Variants in MGAT4C observed in about 807,000 individuals in gnomAD.
MGAT4C encodes MGAT4 family member C.
In MGAT4C, 19 loss-of-function variants were observed where a neutral mutation model predicts 40.1. That is an observed-to-expected ratio of 0.47 (90% confidence interval 0.33 to 0.70). The LOEUF (loss-of-function observed/expected upper bound fraction) is 0.70, where lower values mean the gene tolerates loss of function less well. MGAT4C is among the 30% of genes least tolerant of loss of function. The pLI is 0.02. For missense variants in MGAT4C, 491 were observed against 563.2 expected (o/e 0.87, Z 1.30); for synonymous variants, 181 against 187.1 (o/e 0.97, Z 0.27).
chr12:86,028,029 T>C (rs1203926780), intron 2 of MGAT4C: 1 of 813,708 alleles, frequency 1.2e-6, no homozygotes, highest in East Asian at 6.4e-5. Flanking sequence ...GCTTTGAAAA[T>C]CAAGTGTATC....
chr12:86,796,176 T>C (rs1168286324), intron 1 of MGAT4C, among the ~76,000 whole-genome samples: 1 of 151,644 alleles, frequency 6.6e-6, no homozygotes, highest in Non-Finnish European at 1.5e-5. Context: ...GTCTCACACT[T>C]GATGTGTCAC....
At chr12:86,339,738 GCA>G (rs145826188) in intron 3 of MGAT4C, among the ~76,000 whole-genome samples, 1 of 151,184 alleles carries the variant, frequency 6.6e-6, no homozygotes, top group African/African-American at 2.4e-5. Context: ...ACCTACACAT[GCA>G]CACACACACA....
chr12:86,667,510 A>C (rs78891626), intron 2 of MGAT4C, among the ~76,000 whole-genome samples: 3,000 of 152,350 alleles, frequency 0.02, 41 homozygotes, highest in Middle Eastern at 0.037. Flanking sequence ...AAAGATTTCA[A>C]TGTGTAAATA....
chr12:86,258,756 A>T (rs571171547), upstream of MGAT4C, among the ~76,000 whole-genome samples: 1 of 152,198 alleles, frequency 6.6e-6, no homozygotes, highest in African/African-American at 2.4e-5. Flanking sequence ...TTTTAAGGAC[A>T]TACACTTATT....
intron 1 of MGAT4C, among the ~76,000 whole-genome samples, chr12:86,800,110 T>C (rs1315541309): frequency 6.6e-6 from 1 of 151,924 alleles, no homozygotes; most frequent in Admixed American, 6.6e-5. Context: ...GAAGATGTGT[T>C]CCTTAGACTA....
Position 86,320,063 on chromosome 12 carries a change from G to C in MGAT4C, c.-57+14002C>G, listed in dbSNP as rs1954342828. ...AGGACAGACTGATATCTGCAGTTCT[G>C]CCCTGGGAGCCTCTGACCCAGCCCA... On this transcript the variant is annotated intron_variant, in intron 4 of 7. Coordinates refer to the MGAT4C transcript ENST00000548651. 2.0e-5 allele frequency among the ~76,000 whole-genome samples: 3 copies of C among 151,946 alleles called. 1 individual carries two copies. The South Asian group carries it at 6.2e-4, about 32-fold the overall frequency.
chr12:86,487,938 ATGTTAT>A (rs1485026675), intron 2 of MGAT4C, among the ~76,000 whole-genome samples: 1 of 152,198 alleles, frequency 6.6e-6, no homozygotes, highest in African/African-American at 2.4e-5. Context: ...TGAATGTGGA[ATGTTAT>A]TTGTAAGCTA....
intron 2 of MGAT4C, among the ~76,000 whole-genome samples, chr12:86,041,484 C>T (rs1359466411): frequency 1.3e-5 from 2 of 152,088 alleles, no homozygotes; most frequent in Non-Finnish European, 2.9e-5. Context: ...CTTAACATTA[C>T]TTTTGCTTTG....
chr12:86,807,503 A>AT (rs905041633), intron 1 of MGAT4C, among the ~76,000 whole-genome samples: 15 of 151,794 alleles, frequency 9.9e-5, no homozygotes, highest in Non-Finnish European at 2.2e-4. Flanking sequence ...TATGTACCAC[A>AT]TTTTTTTTAT....
chr12:85,981,578 T>C (rs1884607974), intron 4 of MGAT4C, among the ~76,000 whole-genome samples: 1 of 152,178 alleles, frequency 6.6e-6, no homozygotes. Flanking sequence ...CCAAACTTCA[T>C]TAATAATAGC....
chr12:86,471,835 G>A (rs745520516), intron 2 of MGAT4C, among the ~76,000 whole-genome samples: 47 of 152,138 alleles, frequency 3.1e-4, no homozygotes, highest in Non-Finnish European at 5.0e-4. Context: ...AGTATTACTT[G>A]AAAATGCTAT....
intron 2 of MGAT4C, among the ~76,000 whole-genome samples, chr12:86,592,371 A>T (rs747136377): frequency 6.6e-6 from 1 of 152,182 alleles, no homozygotes; most frequent in African/African-American, 2.4e-5. Context: ...TACTAGAATG[A>T]GTATTATCTT....
intron 3 of MGAT4C, among the ~76,000 whole-genome samples, chr12:86,355,215 A>G (rs1955282271): frequency 6.6e-6 from 1 of 152,164 alleles, no homozygotes; most frequent in Non-Finnish European, 1.5e-5. Context: ...GCTACAGACC[A>G]CTGATTGGTG....
chr12:86,771,602 T>A (rs925215536), intron 1 of MGAT4C, among the ~76,000 whole-genome samples: 1 of 152,042 alleles, frequency 6.6e-6, no homozygotes, highest in East Asian at 1.9e-4. Context: ...AATCCCAGAC[T>A]TTGGGAGGCC....
At chr12:86,601,060 C>T (rs1430775185) in intron 2 of MGAT4C, among the ~76,000 whole-genome samples, 1 of 152,234 alleles carries the variant, frequency 6.6e-6, no homozygotes, top group Non-Finnish European at 1.5e-5. Context: ...GAAACTGCTT[C>T]TGAGGCTGAA....
intron 2 of MGAT4C, among the ~76,000 whole-genome samples, chr12:86,691,617 A>G (rs1273757311): frequency 1.9e-5 from 1 of 53,484 alleles, no homozygotes; most frequent in African/African-American, 4.3e-5. Context: ...CATTCTATAT[A>G]CTAGCCATCA....
chr12:86,106,662 T>TA (rs2135620563), intron 1 of MGAT4C, among the ~76,000 whole-genome samples: 1 of 152,234 alleles, frequency 6.6e-6, no homozygotes, highest in East Asian at 1.9e-4. Flanking sequence ...TGGTCTTTTT[T>TA]TTTTCCTCTG....
chr12:86,316,698 G>A (rs544528512), intron 4 of MGAT4C, among the ~76,000 whole-genome samples: 1 of 152,212 alleles, frequency 6.6e-6, no homozygotes, highest in South Asian at 2.1e-4. Flanking sequence ...AATAGACACT[G>A]GGGACTATTG....
chr12:86,192,484 C>A (rs1184413332), intron 1 of MGAT4C, among the ~76,000 whole-genome samples: 1 of 152,072 alleles, frequency 6.6e-6, no homozygotes, highest in Non-Finnish European at 1.5e-5. Context: ...AGACGCCTTG[C>A]AAGACTTTAC....
Sources: gnomAD v4.1 joint callset for allele counts (sites outside exome capture counted in the v4.1 genomes callset) on GRCh38, gnomAD v4.1.1 for gene constraint, MANE v1.5 for transcripts, NCBI Gene and HGNC (gene_info 2026-07-23, HGNC 2026-07-21) for gene names.